ZNF653: variants seen among roughly 807,000 people sequenced by gnomAD.
ZNF653 encodes zinc finger protein 653.
Under a neutral mutation model 59.9 loss-of-function variants are expected in ZNF653, and 37 were observed. The observed-to-expected ratio is 0.62, with a 90% confidence interval of 0.48 to 0.81. ZNF653 has a LOEUF of 0.81. Among genes scored for constraint, ZNF653 ranks in the 40% least tolerant of loss-of-function variants. ZNF653 has a pLI of 0.00. For synonymous variants in ZNF653, 435 were observed against 371.8 expected (o/e 1.17, Z -1.96); for missense variants, 808 against 881.1 (o/e 0.92, Z 1.05).
At position 11,489,262 on chromosome 19, in the gene ZNF653, C is replaced by T. The variant is rs376213943; in HGVS notation, c.560-1359G>A. Among the ~76,000 whole-genome samples the T allele has an allele frequency of 1.2e-4, 19 of 152,060 alleles. No individual in the cohort carries two copies. The East Asian group carries it at 3.3e-3, about 26-fold the overall frequency. On this transcript the variant is annotated intron_variant, in intron 3 of 8. Transcript: ENST00000293771. ...TCACCCAGGCTGGAGTGCAGTGGTG[C>T]GATCCGGGCTCACTGCAACCTCTAC... is the stretch of plus-strand genomic sequence containing the variant.
intron 7 of ZNF653, 28 bp downstream of exon 7, chr19:11,485,628 C>G (rs781482425): frequency 6.3e-7 from 1 of 1,584,384 alleles, no homozygotes; most frequent in Non-Finnish European, 8.7e-7. Flanking sequence ...GTCCCCCGCT[C>G]ATGCTGCCAG....
intron 2 of ZNF653, among the ~76,000 whole-genome samples, chr19:11,496,592 G>T (rs1392801024): frequency 6.6e-6 from 1 of 152,152 alleles, no homozygotes; most frequent in Non-Finnish European, 1.5e-5. Context: ...ACTGGGCCAG[G>T]CGCAATGACT....
rs191494775 is a variant in ZNF653 at position 11,491,988 on chromosome 19, T to C, written c.559+3962A>G. 6.6e-5 allele frequency among the ~76,000 whole-genome samples: 10 copies of C among 152,266 alleles called. No individual in the cohort carries two copies. In the East Asian group the frequency reaches 1.9e-3, roughly 29 times the overall value. On this transcript the variant is annotated intron_variant, in intron 3 of 8. Coordinates refer to ENST00000293771, the MANE Select transcript of ZNF653 (RefSeq NM_138783.4). Reference sequence around the variant, plus strand: ...AATTTCCTGACCATTCTGTCTCAAATAGTTCCTTTTTCCCTCCTTTATTTT... The same window carrying C: ...AATTTCCTGACCATTCTGTCTCAAACAGTTCCTTTTTCCCTCCTTTATTTT...
In ZNF653 at chr19:11,487,728, G is replaced by A. The variant is rs1347369858; in HGVS notation, c.735C>T (p.Pro245=). The part of the protein sequence containing the change: ...GLITQEGVHI[P]FDVHHVESLA... ...GGCTTTCCACGTGGTGGACGTCAAA[G>A]GGAATGTGCACGCCCTCCTGAGTGA... The change falls in exon 4 of 9, where the codon CCC becomes CCT. Residue 245 remains proline (P), a synonymous_variant. Coordinates refer to ENST00000293771, the MANE Select transcript of ZNF653 (RefSeq NM_138783.4). The surrounding 1 kb of genome is among the most constrained non-coding windows in gnomAD (Gnocchi z 5.1). 2.5e-6 allele frequency: 4 copies of A among 1,613,642 alleles called. No individual in the cohort carries two copies. The highest frequency in any genetic ancestry group is 2.2e-5 in the East Asian group (1 of 44,860).
chr19:11,488,228 C>G (rs973547597), intron 3 of ZNF653, among the ~76,000 whole-genome samples: 16 of 151,570 alleles, frequency 1.1e-4, no homozygotes, highest in Non-Finnish European at 4.4e-5. Flanking sequence ...CTGCTCACTA[C>G]AAGCTCTGCC....
chr19:11,494,241 C>G (rs7508166), intron 3 of ZNF653, among the ~76,000 whole-genome samples: 12,053 of 146,908 alleles, frequency 0.082, 773 homozygotes, highest in African/African-American at 0.18. Context: ...AGAATTGCTT[C>G]AACCTGGGAG....
intron 7 of ZNF653, among the ~76,000 whole-genome samples, chr19:11,484,757 C>CA (rs889988683): frequency 8.6e-5 from 13 of 151,060 alleles, no homozygotes; most frequent in Admixed American, 2.6e-4. Flanking sequence ...AAAACAAAAA[C>CA]AAAAAAAACT....
Position 11,483,825 on chromosome 19 carries a change from C to G in ZNF653, c.1705G>C (p.Ala569Pro). ...EICGYQCRQR[A>P]SLNWHMKKHT... ...TTCTTCATGTGCCAGTTGAGCGACG[C>G]GCGCTGCCGGCACTGGTAGCCACAG... The change falls in exon 9 of 9, where the codon GCG (alanine) becomes CCG (proline). Residue 569 changes from alanine to proline, a missense_variant. Ala to Pro is a conservative substitution (Grantham distance 27). Coordinates refer to ENST00000293771, the MANE Select transcript of ZNF653 (RefSeq NM_138783.4). 6.2e-7 allele frequency: 1 copy of G among 1,604,292 alleles called. No homozygotes were observed. The highest frequency in any genetic ancestry group is 8.5e-7 in the Non-Finnish European group (1 of 1,176,290).
intron 3 of ZNF653, among the ~76,000 whole-genome samples, chr19:11,489,628 C>T (rs55872833): frequency 0.035 from 5,404 of 152,242 alleles, 332 homozygotes; most frequent in African/African-American, 0.12. Context: ...CCACCATGCC[C>T]GGCCAGCAGT....
At position 11,483,754 on chromosome 19, in the gene ZNF653, C is replaced by T; in HGVS notation, c.1776G>A (p.Gly592=). Residue 592 remains glycine (G), a synonymous_variant, in exon 9 of 9, where the codon GGG becomes GGA. Coordinates refer to ENST00000293771, the MANE Select transcript of ZNF653 (RefSeq NM_138783.4). The stretch of plus-strand genomic sequence containing the variant: ...CGCTGTCCAGCTTCTCGAAGCGCTT[C>T]CCGCAGCGATCGCACGTGAAGTTGT... ...VQYNFTCDRC[G]KRFEKLDSVK... is the part of the protein sequence containing the mutation. The T allele has an allele frequency of 6.2e-7, 1 of 1,613,718 alleles. No homozygotes were observed. The highest frequency in any genetic ancestry group is 8.5e-7 in the Non-Finnish European group (1 of 1,179,712).
At position 11,486,762 on chromosome 19, in the gene ZNF653, G is replaced by A. The variant is rs1046902864; in HGVS notation, c.1455+7C>T. 1.9e-5 allele frequency: 30 copies of A among 1,595,822 alleles called. No individual in the cohort carries two copies. The highest frequency in any genetic ancestry group is 2.6e-5 in the Non-Finnish European group (30 of 1,171,190). ...CTGGCCCAGGCTGCTCCGGGTGGCG[G>A]CCTCACCTGGAAGCTGCTGAGGGCC... On this transcript the variant is annotated splice_region_variant and intron_variant, in intron 6 of 8. Coordinates refer to ENST00000293771, the MANE Select transcript of ZNF653 (RefSeq NM_138783.4).
At chr19:11,485,580 G>T in intron 7 of ZNF653, 76 bp downstream of exon 7, 1 of 1,246,134 alleles carries the variant, frequency 8.0e-7, no homozygotes, top group Non-Finnish European at 1.2e-6. Context: ...GCTTTGACCC[G>T]CCAGCTCTGG....
rs1302654006 is a variant in ZNF653 at position 11,498,606 on chromosome 19, G to A, written c.300-267C>T. On this transcript the variant is annotated intron_variant, in intron 1 of 8. Coordinates refer to ENST00000293771, the MANE Select transcript of ZNF653 (RefSeq NM_138783.4). ...TTACAGGTGCACGCCACCACACCTG[G>A]CTAATTTTTGTATGTTTAGTAGAGA... 2.6e-5 allele frequency among the ~76,000 whole-genome samples: 4 copies of A among 151,266 alleles called. No individual in the cohort carries two copies. The South Asian group carries it at 8.4e-4, about 32-fold the overall frequency.
chr19:11,492,770 G>A (rs1191763795), intron 3 of ZNF653, among the ~76,000 whole-genome samples: 1 of 152,224 alleles, frequency 6.6e-6, no homozygotes, highest in African/African-American at 2.4e-5. Context: ...GGTGCACAGT[G>A]AGGGCTCGTT....
chr19:11,486,584 G>T (rs557832086), intron 6 of ZNF653, among the ~76,000 whole-genome samples, 185 bp downstream of exon 6: 1 of 152,348 alleles, frequency 6.6e-6, no homozygotes, highest in Non-Finnish European at 1.5e-5. Context: ...TCAATGCATG[G>T]CATGGCACAA....
At chr19:11,491,895 T>A (rs1412317245) in intron 3 of ZNF653, among the ~76,000 whole-genome samples, 1 of 151,990 alleles carries the variant, frequency 6.6e-6, no homozygotes, top group Non-Finnish European at 1.5e-5. Flanking sequence ...TCCTCTTCTG[T>A]CTGACACCTG....
intron 3 of ZNF653, among the ~76,000 whole-genome samples, chr19:11,493,268 G>A (rs1252024969): frequency 2.6e-5 from 4 of 151,788 alleles, no homozygotes; most frequent in Non-Finnish European, 5.9e-5. Flanking sequence ...ATGTTGGCCA[G>A]GCTGGTCTTG....
chr19:11,483,833 C>T lies in ZNF653; in HGVS notation c.1697G>A (p.Arg566Gln), dbSNP rs1379374014. 2 of 1,568,372 alleles carry T rather than the reference C, an allele frequency of 1.3e-6. No individual in the cohort carries two copies. Among genetic ancestry groups the T allele is most frequent in the Admixed American group, 1.7e-5 (1 of 57,336 alleles). Reference sequence around the variant, plus strand: ...GTGCCAGTTGAGCGACGCGCGCTGCCGGCACTGGTAGCCACAGATCTCGCA... The same window carrying T: ...GTGCCAGTTGAGCGACGCGCGCTGCTGGCACTGGTAGCCACAGATCTCGCA... ...LQCEICGYQC[R>Q]QRASLNWHMK... The change falls in exon 9 of 9, where the codon CGG becomes CAG. Residue 566 changes from arginine to glutamine, a missense_variant. By Grantham distance (43) the Arg-to-Gln change is conservative. Transcript: ENST00000293771.
rs754671546 is a variant in ZNF653 at position 11,487,319 on chromosome 19, C to T, written c.1144G>A (p.Ala382Thr). 6.2e-6 allele frequency: 10 copies of T among 1,613,378 alleles called. No homozygotes were observed. In the South Asian group the frequency reaches 8.8e-5, roughly 14 times the overall value. The change falls in exon 4 of 9, where the codon GCA (alanine) becomes ACA (threonine). Residue 382 changes from alanine to threonine, a missense_variant. Ala to Thr is a moderately conservative substitution (Grantham distance 58, BLOSUM62 0). Coordinates refer to ENST00000293771, the MANE Select transcript of ZNF653 (RefSeq NM_138783.4). The surrounding 1 kb of genome is among the most constrained non-coding windows in gnomAD (Gnocchi z 5.1). ...GSQPSTMDAT[A>T]VAGIETKKEK... ...TTCTTGGTCTCGATGCCTGCTACTGCGGTGGCGTCCATGGTGCTAGGCTGG... is the reference window on the plus strand; with the variant it reads ...TTCTTGGTCTCGATGCCTGCTACTGTGGTGGCGTCCATGGTGCTAGGCTGG...
Sources: gnomAD v4.1 joint callset for allele counts (sites outside exome capture counted in the v4.1 genomes callset) on GRCh38, gnomAD v4.1.1 for gene constraint, Gnocchi (gnomAD v3.1) non-coding constraint, MANE v1.5 for transcripts, NCBI Gene and HGNC (gene_info 2026-07-23, HGNC 2026-07-21) for gene names.